Variants in MIPOL1 observed in about 807,000 individuals in gnomAD.
The protein encoded by MIPOL1 is mirror-image polydactyly gene 1 protein.
In MIPOL1, 57 loss-of-function variants were observed where a neutral mutation model predicts 60.9. The ratio of observed to expected loss-of-function variants is 0.94; its 90% confidence interval spans 0.76 to 1.17. The LOEUF (loss-of-function observed/expected upper bound fraction) is 1.17, where lower values mean the gene tolerates loss of function less well. Among genes scored for constraint, MIPOL1 ranks in the 50% most tolerant of loss-of-function variants. MIPOL1 has a pLI of 0.00. For missense variants in MIPOL1, 551 were observed against 511.6 expected, an observed-to-expected ratio of 1.08 and a Z score of -0.74; for synonymous variants, 179 against 168.8, an observed-to-expected ratio of 1.06 and a Z score of -0.47.
At chr14:37,329,851 T>C (rs1421219432) in intron 9 of MIPOL1, among the ~76,000 whole-genome samples, 1 of 152,172 alleles carries the variant, frequency 6.6e-6, no homozygotes, top group Non-Finnish European at 1.5e-5. Context: ...CTGTTGTTTG[T>C]TTATGGATTT....
chr14:37,254,457 G>C (rs571977313), intron 3 of MIPOL1, among the ~76,000 whole-genome samples: 1 of 151,802 alleles, frequency 6.6e-6, no homozygotes, highest in South Asian at 2.1e-4. Context: ...TGTTTTGGCA[G>C]TTTAAAAAAT....
At chr14:37,470,994 GTGTTCAC>G (rs2094681421) in intron 11 of MIPOL1, among the ~76,000 whole-genome samples, 1 of 152,096 alleles carries the variant, frequency 6.6e-6, no homozygotes, top group African/African-American at 2.4e-5. Context: ...ATTGGTTATA[GTGTTCAC>G]TGTTTCGGTA....
intron 1 of MIPOL1, among the ~76,000 whole-genome samples, chr14:37,235,030 A>T (rs922542134): frequency 7.0e-6 from 1 of 142,574 alleles, no homozygotes; most frequent in Non-Finnish European, 1.5e-5. Flanking sequence ...TGACCTTGTG[A>T]TCCGCCTGCC....
intron 11 of MIPOL1, among the ~76,000 whole-genome samples, chr14:37,484,629 C>T (rs558068774): frequency 6.6e-6 from 1 of 152,098 alleles, no homozygotes; most frequent in Admixed American, 6.5e-5. Flanking sequence ...GGCCACCACA[C>T]CCAGCCGTTA....
At chr14:37,364,528 G>A (rs1235438493) in intron 9 of MIPOL1, among the ~76,000 whole-genome samples, 1 of 152,064 alleles carries the variant, frequency 6.6e-6, no homozygotes, top group Non-Finnish European at 1.5e-5. Context: ...TTAAAAATTA[G>A]TTCACTGTAG....
chr14:37,532,051 G>T (rs1054395922), intron 12 of MIPOL1, among the ~76,000 whole-genome samples: 2 of 152,128 alleles, frequency 1.3e-5, no homozygotes, highest in Admixed American at 6.5e-5. Flanking sequence ...AATTGACAAA[G>T]TGTCTTTCGT....
At chr14:37,505,719 C>G (rs917458452) in intron 12 of MIPOL1, 1 of 152,154 alleles carries the variant, frequency 6.6e-6, no homozygotes, top group African/African-American at 2.4e-5. Context: ...TTCTCTCTCA[C>G]CACTCCTATT....
intron 11 of MIPOL1, among the ~76,000 whole-genome samples, chr14:37,444,096 A>G (rs2094294745): frequency 6.6e-6 from 1 of 152,110 alleles, no homozygotes; most frequent in Non-Finnish European, 1.5e-5. Context: ...AGGAACCCAT[A>G]ATTATTAAAA....
intron 9 of MIPOL1, among the ~76,000 whole-genome samples, chr14:37,359,499 CT>C (rs1312580013): frequency 2.0e-5 from 3 of 152,116 alleles, no homozygotes; most frequent in African/African-American, 7.2e-5. Flanking sequence ...TTTGTCTCTT[CT>C]TTTATTTCCT....
At chr14:37,512,712 C>T (rs992691272) in intron 12 of MIPOL1, among the ~76,000 whole-genome samples, 1 of 151,830 alleles carries the variant, frequency 6.6e-6, no homozygotes, top group African/African-American at 2.4e-5. Context: ...CTGTAAGTGT[C>T]AAGGCAAAAT....
intron 1 of MIPOL1, among the ~76,000 whole-genome samples, chr14:37,218,320 A>T (rs527890430): frequency 6.6e-6 from 1 of 151,036 alleles, no homozygotes; most frequent in South Asian, 2.1e-4. Context: ...AGCTGGGATT[A>T]CAAGTGTGCA....
At chr14:37,316,399 T>C (rs1195187585) in intron 9 of MIPOL1, among the ~76,000 whole-genome samples, 1 of 151,982 alleles carries the variant, frequency 6.6e-6, no homozygotes, top group East Asian at 1.9e-4. Flanking sequence ...AAAGTGAAGA[T>C]AGATTTGATC....
chr14:37,339,353 G>A (rs2090412536), intron 9 of MIPOL1, among the ~76,000 whole-genome samples: 1 of 152,156 alleles, frequency 6.6e-6, no homozygotes, highest in Non-Finnish European at 1.5e-5. Flanking sequence ...CATTGCTAAT[G>A]GGAGTGTGAA....
intron 10 of MIPOL1, among the ~76,000 whole-genome samples, chr14:37,415,134 G>A (rs1279317559): frequency 6.6e-6 from 1 of 151,798 alleles, no homozygotes; most frequent in Non-Finnish European, 1.5e-5. Context: ...TTTGCCAGGG[G>A]TCTGTAAAGT....
At chr14:37,453,229 C>G (rs1350550028) in intron 11 of MIPOL1, among the ~76,000 whole-genome samples, 1 of 152,028 alleles carries the variant, frequency 6.6e-6, no homozygotes, top group Non-Finnish European at 1.5e-5. Flanking sequence ...GCCATAATCA[C>G]TTTTTACTTC....
chr14:37,398,510 C>T (rs896075325), intron 10 of MIPOL1, among the ~76,000 whole-genome samples: 1 of 152,188 alleles, frequency 6.6e-6, no homozygotes, highest in Admixed American at 6.5e-5. Flanking sequence ...ATGATGATCT[C>T]TCTTCCCAGG....
At chr14:37,480,827 C>CA (rs1164645485) in intron 11 of MIPOL1, among the ~76,000 whole-genome samples, 3 of 151,898 alleles carry the variant, frequency 2.0e-5, no homozygotes, top group South Asian at 2.1e-4. Context: ...AACAAACAAA[C>CA]AAAAAAAACC....
At chr14:37,490,204 A>G (rs976962204) in intron 11 of MIPOL1, among the ~76,000 whole-genome samples, 23 of 152,270 alleles carry the variant, frequency 1.5e-4, no homozygotes, top group African/African-American at 4.8e-4. Context: ...GCTGAGCTGC[A>G]GTGGGCTCCA....
intron 11 of MIPOL1, among the ~76,000 whole-genome samples, chr14:37,497,373 A>AT (rs1221939897): frequency 6.6e-6 from 1 of 152,254 alleles, no homozygotes; most frequent in African/African-American, 2.4e-5. Context: ...GCAAATGCTG[A>AT]ATTCCCAAAC....
Sources: gnomAD v4.1 joint callset for allele counts (sites outside exome capture counted in the v4.1 genomes callset) on GRCh38, gnomAD v4.1.1 for gene constraint, MANE v1.5 for transcripts, NCBI Gene and HGNC (gene_info 2026-07-23, HGNC 2026-07-21) for gene names.